OR1F1: variants seen among roughly 807,000 people sequenced by gnomAD.
OR1F1 encodes the protein olfactory receptor family 1 subfamily F member 1.
For synonymous variants in OR1F1, 184 were observed against 156.7 expected (o/e 1.17, Z -1.30); for missense variants, 493 against 376.3 (o/e 1.31, Z -2.57).
upstream of OR1F1, among the ~76,000 whole-genome samples, chr16:3,203,737 C>T (rs750119430): frequency 6.6e-6 from 1 of 152,192 alleles, no homozygotes; most frequent in Non-Finnish European, 1.5e-5. Context: ...GCACTCTAGC[C>T]TGGCGACAGA....
the OR1F1 span, among the ~76,000 whole-genome samples, chr16:3,198,241 G>C: frequency 6.6e-6 from 1 of 152,092 alleles, no homozygotes; most frequent in Non-Finnish European, 1.5e-5. Context: ...TGCAGGGTGA[G>C]TTGGCAAACT....
chr16:3,205,254 G>A, downstream of OR1F1: 2 of 1,095,074 alleles, frequency 1.8e-6, no homozygotes, highest in South Asian at 1.5e-5. Flanking sequence ...TAATGCAGTA[G>A]TTGTTTCATT....
At chr16:3,191,605 TG>T in the OR1F1 span, among the ~76,000 whole-genome samples, 36,820 of 151,916 alleles carry the variant, frequency 0.24, 4,558 homozygotes, top group African/African-American at 0.29. Flanking sequence ...CTTGGAGTTC[TG>T]GAAACAGCCA....
the OR1F1 span, among the ~76,000 whole-genome samples, chr16:3,197,175 AT>A: frequency 0.099 from 13,491 of 135,978 alleles, 1,920 homozygotes; most frequent in African/African-American, 0.32. Context: ...CACACCTGGC[AT>A]TTTTTTTTTT....
upstream of OR1F1, among the ~76,000 whole-genome samples, chr16:3,203,244 G>T (rs1458145028): frequency 6.6e-6 from 1 of 152,188 alleles, no homozygotes; most frequent in Non-Finnish European, 1.5e-5. Context: ...GACCCTAGTG[G>T]CCATGGAGGC....
At chr16:3,194,852 T>C in the OR1F1 span, among the ~76,000 whole-genome samples, 1 of 152,172 alleles carries the variant, frequency 6.6e-6, no homozygotes, top group Non-Finnish European at 1.5e-5. Flanking sequence ...GGAACTCCTG[T>C]GCTCAAGTTA....
chr16:3,196,732 G>A, the OR1F1 span, among the ~76,000 whole-genome samples: 2 of 134,660 alleles, frequency 1.5e-5, no homozygotes, highest in Non-Finnish European at 1.6e-5. Flanking sequence ...ATGGAGTTTC[G>A]CTGTTGTTGC....
At chr16:3,205,025 T>G (rs1305554544) in exon 1 of OR1F1, 1 of 1,614,044 alleles carries the variant, frequency 6.2e-7, no homozygotes, top group East Asian at 2.2e-5. Flanking sequence ...GCTGTGTATT[T>G]TAACCCTCTG....
At chr16:3,204,571 G>C in exon 1 of OR1F1, 1 of 1,614,140 alleles carries the variant, frequency 6.2e-7, no homozygotes, top group Non-Finnish European at 8.5e-7. Context: ...CATGTTCGTG[G>C]ACATGGACAA....
the OR1F1 span, among the ~76,000 whole-genome samples, chr16:3,193,957 C>G: frequency 6.6e-6 from 1 of 152,148 alleles, no homozygotes; most frequent in Non-Finnish European, 1.5e-5. Context: ...GCCTCCTAAG[C>G]CAGGGATTGT....
chr16:3,194,811 T>G, the OR1F1 span, among the ~76,000 whole-genome samples: 1 of 152,148 alleles, frequency 6.6e-6, no homozygotes, highest in Non-Finnish European at 1.5e-5. Context: ...CGTGAGTGAT[T>G]TAGGTCTCGC....
the OR1F1 span, among the ~76,000 whole-genome samples, chr16:3,195,369 C>T: frequency 4.0e-5 from 6 of 151,332 alleles, no homozygotes; most frequent in East Asian, 1.2e-3. Context: ...GCGGGTTAAA[C>T]GACGCACTAG....
chr16:3,205,935 C>T (rs960847015), downstream of OR1F1, among the ~76,000 whole-genome samples: 3 of 152,122 alleles, frequency 2.0e-5, no homozygotes, highest in Non-Finnish European at 4.4e-5. Flanking sequence ...TTTTAGGGAA[C>T]AAGGGAAGAT....
At chr16:3,193,134 C>G in the OR1F1 span, among the ~76,000 whole-genome samples, 2 of 152,016 alleles carry the variant, frequency 1.3e-5, no homozygotes, top group East Asian at 1.9e-4. Context: ...GCCATGTTGG[C>G]CAGGCTGGCC....
the OR1F1 span, among the ~76,000 whole-genome samples, chr16:3,199,167 G>A: frequency 4.6e-5 from 6 of 131,768 alleles, no homozygotes; most frequent in East Asian, 1.5e-3. Context: ...CCTGAACATA[G>A]TGGCATGTGT....
At chr16:3,201,584 C>T (rs140473209), upstream of OR1F1, among the ~76,000 whole-genome samples, 13 of 152,274 alleles carry the variant, frequency 8.5e-5, no homozygotes, top group East Asian at 3.9e-4. Flanking sequence ...ACTGGATTCC[C>T]GCATGGAATG....
At chr16:3,204,113 G>C (rs145967586), upstream of OR1F1, 2,334 of 662,016 alleles carry the variant, frequency 3.5e-3, 73 homozygotes, top group East Asian at 0.059. Context: ...AGCCCCAGCA[G>C]GGTTGACAAT....
At chr16:3,191,451 T>G in the OR1F1 span, 3 of 152,164 alleles carry the variant, frequency 2.0e-5, no homozygotes, top group Non-Finnish European at 4.4e-5. Context: ...TAGTTTCTAC[T>G]ATTCTCATGC....
At chr16:3,193,901 T>A in the OR1F1 span, among the ~76,000 whole-genome samples, 1 of 152,178 alleles carries the variant, frequency 6.6e-6, no homozygotes, top group Non-Finnish European at 1.5e-5. Context: ...ATATTCTCAG[T>A]AGGGCACGTG....
Sources: gnomAD v4.1 joint callset for allele counts (sites outside exome capture counted in the v4.1 genomes callset) on GRCh38, gnomAD v4.1.1 for gene constraint, MANE v1.5 for transcripts, NCBI Gene and HGNC (gene_info 2026-07-23, HGNC 2026-07-21) for gene names.